Variants in CABP1 observed in about 807,000 individuals in gnomAD.
The protein encoded by CABP1 is calcium-binding protein 1.
CABP1 carries 17 observed loss-of-function variants against 34.3 expected under a neutral mutation model. The ratio of observed to expected loss-of-function variants is 0.50; its 90% confidence interval spans 0.34 to 0.74. The LOEUF (loss-of-function observed/expected upper bound fraction) is 0.74. Ranked by LOEUF, CABP1 falls within the 30% of genes least tolerant of loss-of-function variation. The pLI, the probability that CABP1 is intolerant of heterozygous loss-of-function variation, is 0.01. For synonymous variants in CABP1, 198 were observed against 229.2 expected, an observed-to-expected ratio of 0.86 and a Z score of 1.23; for missense variants, 373 against 511.1, an observed-to-expected ratio of 0.73 and a Z score of 2.61.
chr12:120,674,286 C>T, the CABP1 span, among the ~76,000 whole-genome samples: 1 of 152,274 alleles, frequency 6.6e-6, no homozygotes, highest in Non-Finnish European at 1.5e-5. Context: ...TCAGCGATTC[C>T]TTCTCAAGAA....
chr12:120,656,080 G>T lies in CABP1; in HGVS notation c.655-3798G>T, dbSNP rs368608595. The T allele has an allele frequency of 8.3e-5, 134 of 1,614,026 alleles. No individual in the cohort carries two copies. In the African/African-American group the frequency reaches 1.5e-3, roughly 18 times the overall value. Reference sequence around the variant, plus strand: ...CCTGCCTCTCTTTTGCATTTGCTTGGTGCTGGCTGAAGATGTGCCAGGAGG... The same window carrying T: ...CCTGCCTCTCTTTTGCATTTGCTTGTTGCTGGCTGAAGATGTGCCAGGAGG... On this transcript the variant is annotated intron_variant, in intron 1 of 5. Transcript: ENST00000316803.
chr12:120,678,839 AGG>A, the CABP1 span, among the ~76,000 whole-genome samples: 1 of 151,730 alleles, frequency 6.6e-6, no homozygotes, highest in South Asian at 2.1e-4. Context: ...TGGGATGCTG[AGG>A]GGGGGGCAGA....
the CABP1 span, among the ~76,000 whole-genome samples, chr12:120,677,931 C>T: frequency 6.6e-6 from 1 of 152,314 alleles, no homozygotes; most frequent in South Asian, 2.1e-4. Flanking sequence ...TGAAGACACA[C>T]CAAGTCCATT....
At chr12:120,679,083 A>C in the CABP1 span, among the ~76,000 whole-genome samples, 1 of 151,570 alleles carries the variant, frequency 6.6e-6, no homozygotes, top group Non-Finnish European at 1.5e-5. Flanking sequence ...CAAAAAAAAA[A>C]AAAAAAAAAA....
intron 1 of CABP1, among the ~76,000 whole-genome samples, chr12:120,653,796 G>A (rs983558997): frequency 4.6e-5 from 7 of 152,196 alleles, no homozygotes; most frequent in South Asian, 4.1e-4. Flanking sequence ...GCCTCCCAAA[G>A]TGCTGGGATG....
chr12:120,647,724 C>T (rs556832699), intron 1 of CABP1, among the ~76,000 whole-genome samples: 27 of 149,606 alleles, frequency 1.8e-4, no homozygotes, highest in East Asian at 4.0e-4. Context: ...CCTGCCACCA[C>T]GCCCAGCTAA....
At chr12:120,670,347 G>A (rs958153539), downstream of CABP1, among the ~76,000 whole-genome samples, 2 of 152,204 alleles carry the variant, frequency 1.3e-5, no homozygotes, top group African/African-American at 4.8e-5. Flanking sequence ...AAAGGGGTCT[G>A]AGACTTTTCA....
rs1321515018 is a variant in CABP1 at position 120,641,507 on chromosome 12, C to G, written c.654+168C>G. 1.0e-5 allele frequency: 7 copies of G among 670,738 alleles called. No homozygotes were observed. Among genetic ancestry groups the G allele is most frequent in the African/African-American group, 5.6e-5 (3 of 53,514 alleles). The allele number at this position is 670,738 out of a possible 1,614,324, so 41.5% of individuals were successfully genotyped here. A position where few individuals can be genotyped will look rare whatever the true frequency, so the allele number is the denominator to read the frequency against. The stretch of plus-strand genomic sequence containing the variant: ...CGCCCTTGCCGGCACTCCTCCTCCC[C>G]GTGCCTGATTCAGCACCCCGTGCGC... On this transcript the variant is annotated intron_variant, in intron 1 of 5. Coordinates refer to ENST00000316803, the MANE Select transcript of CABP1 (RefSeq NM_001033677.2). The surrounding 1 kb of genome is among the most constrained non-coding windows in gnomAD (Gnocchi z 6.7).
intron 1 of CABP1, among the ~76,000 whole-genome samples, chr12:120,658,627 A>G (rs776666584): frequency 4.6e-4 from 70 of 151,964 alleles, no homozygotes; most frequent in Non-Finnish European, 7.6e-4. Flanking sequence ...TTTCTAGATG[A>G]TCTGCAGATT....
chr12:120,657,733 G>T (rs2137354846), intron 1 of CABP1, among the ~76,000 whole-genome samples: 1 of 152,326 alleles, frequency 6.6e-6, no homozygotes, highest in South Asian at 2.1e-4. Context: ...CTCCGTGAAG[G>T]GGCACCTGGC....
rs778366806 is a variant in CABP1, at chr12:120,660,844, A to G, written c.939+4A>G. ...ACTGCGAGATGCTTTCCGAGAGGTA[A>G]CGGACAGAGGCAGGCAGGCATGGGG... On this transcript the variant is annotated splice_donor_region_variant and intron_variant, in intron 4 of 5. Coordinates refer to ENST00000316803, the MANE Select transcript of CABP1 (RefSeq NM_001033677.2). This position sits in a 1 kb window ranked among gnomAD's most constrained non-coding sequence, Gnocchi z 5.0. The G allele has an allele frequency of 6.2e-7, 1 of 1,601,826 alleles. No homozygotes were observed. The highest frequency in any genetic ancestry group is 8.6e-7 in the Non-Finnish European group (1 of 1,168,838).
chr12:120,641,074 G>A lies in CABP1; in HGVS notation c.389G>A (p.Gly130Asp). 8.4e-7 allele frequency: 1 copy of A among 1,193,598 alleles called. No individual in the cohort carries two copies. The highest frequency in any genetic ancestry group is 1.0e-6 in the Non-Finnish European group (1 of 963,532). The allele number at this position is 1,193,598 out of a possible 1,614,324, so 73.9% of individuals were successfully genotyped here. The stretch of plus-strand genomic sequence containing the variant: ...TGCCGGCCGGCGCCGCGAGAGGAGG[G>A]CGCGCGGGGGAGCCAGCGTGTGCTC... ...PLCRPAPREE[G>D]ARGSQRVLPQ... is the part of the protein sequence containing the mutation. Residue 130 changes from glycine (G) to aspartate (D), a missense_variant, in exon 1 of 6, where the codon GGC becomes GAC. This residue lies in a region of CABP1 where 9 missense variants were observed against 35.5 expected (regional missense o/e 0.25). Coordinates refer to ENST00000316803, the MANE Select transcript of CABP1 (RefSeq NM_001033677.2). This position sits in a 1 kb window ranked among gnomAD's most constrained non-coding sequence, Gnocchi z 6.7.
chr12:120,654,585 G>C (rs1029023090), intron 1 of CABP1, among the ~76,000 whole-genome samples: 1 of 152,234 alleles, frequency 6.6e-6, no homozygotes, highest in Non-Finnish European at 1.5e-5. Context: ...CGCTCCTTGG[G>C]AAGGTCCTAC....
chr12:120,663,399 C>T (rs547486294), intron 5 of CABP1, among the ~76,000 whole-genome samples: 29 of 151,968 alleles, frequency 1.9e-4, no homozygotes, highest in Non-Finnish European at 3.2e-4. Flanking sequence ...CTCAGCCTCC[C>T]GAGTAGCTGG....
Position 120,641,117 on chromosome 12 carries a change from G to T in CABP1, c.432G>T (p.Arg144Ser). 1 of 1,225,088 alleles carries T rather than the reference G, an allele frequency of 8.2e-7. No individual in the cohort carries two copies. The highest frequency in any genetic ancestry group is 3.8e-5 in the South Asian group (1 of 26,334). 75.9% of individuals were successfully genotyped at this position (1,225,088 alleles called of 1,614,324 possible). ...SQRVLPQAHC[R>S]PREALPAAAS... ...GTGTGCTCCCCCAGGCGCACTGCAG[G>T]CCCCGGGAGGCGCTGCCGGCCGCGG... is the stretch of plus-strand genomic sequence containing the variant. Residue 144 changes from arginine (R) to serine (S), a missense_variant, in exon 1 of 6, where the codon AGG (arginine) becomes AGT (serine). This residue lies in a region of CABP1 where 121 missense variants were observed against 125.5 expected (regional missense o/e 0.96). Coordinates refer to ENST00000316803, the MANE Select transcript of CABP1 (RefSeq NM_001033677.2). This position sits in a 1 kb window ranked among gnomAD's most constrained non-coding sequence, Gnocchi z 6.7.
intron 1 of CABP1, among the ~76,000 whole-genome samples, chr12:120,647,419 C>T (rs1422059747): frequency 6.6e-6 from 1 of 150,818 alleles, no homozygotes; most frequent in Non-Finnish European, 1.5e-5. Context: ...GATGAGGTCT[C>T]ACTATGTTGT....
At chr12:120,655,830 C>CGT (rs746144300) in intron 1 of CABP1, 395 of 878,046 alleles carry the variant, frequency 4.5e-4, no homozygotes, top group African/African-American at 2.5e-3. Context: ...TGCGTGCGTG[C>CGT]GTGTGTGTGT....
At chr12:120,679,278 A>C in the CABP1 span, among the ~76,000 whole-genome samples, 1 of 152,180 alleles carries the variant, frequency 6.6e-6, no homozygotes, top group South Asian at 2.1e-4. Context: ...TATGTTTGCT[A>C]CATAGCCAGG....
Position 120,640,706 on chromosome 12 carries a change from C to A in CABP1, c.21C>A (p.Ala7=). 1 of 1,170,242 alleles carries A rather than the reference C, an allele frequency of 8.5e-7. No individual in the cohort carries two copies. Among genetic ancestry groups the A allele is most frequent in the Non-Finnish European group, 1.1e-6 (1 of 948,470 alleles). 72.5% of individuals were successfully genotyped at this position (1,170,242 alleles called of 1,614,324 possible). The change falls in exon 1 of 6, where the codon GCC becomes GCA. Residue 7 remains alanine, a synonymous_variant. Transcript: ENST00000316803. The surrounding 1 kb of genome is among the most constrained non-coding windows in gnomAD (Gnocchi z 6.2). The part of the protein sequence containing the change: MGGGDG[A]AFKRPGDGAR... ...GTCACATGGGCGGCGGCGACGGGGC[C>A]GCATTTAAGCGGCCGGGGGACGGCG...
Sources: allele counts gnomAD v4.1 joint callset (sites outside exome capture counted in the v4.1 genomes callset), GRCh38; gene constraint gnomAD v4.1.1; regional missense constraint gnomAD v4.1.1; non-coding constraint Gnocchi (gnomAD v3.1); transcripts MANE v1.5; gene names NCBI Gene and HGNC (gene_info 2026-07-23, HGNC 2026-07-21).